Variants in ABCC8 observed in about 807,000 individuals in gnomAD.
ABCC8 encodes the protein ATP binding cassette subfamily C member 8.
Under a neutral mutation model 188.0 loss-of-function variants are expected in ABCC8, and 137 were observed. That is an observed-to-expected ratio of 0.73 (90% confidence interval 0.63 to 0.84). The LOEUF is 0.84. Ranked by LOEUF, ABCC8 falls within the 40% of genes least tolerant of loss-of-function variation. ABCC8 has a pLI of 0.00. For synonymous variants in ABCC8, 797 were observed against 846.5 expected (o/e 0.94, Z 1.01); for missense variants, 1,750 against 2,072.7 (o/e 0.84, Z 3.02).
At chr11:17,457,442 C>T (rs7111475) in intron 6 of ABCC8, among the ~76,000 whole-genome samples, 10,397 of 152,274 alleles carry the variant, frequency 0.068, 484 homozygotes, top group African/African-American at 0.13. Context: ...TTTAGCCCTT[C>T]GATCAAACCC....
At chr11:17,415,158 G>A in intron 18 of ABCC8, 146 bp downstream of exon 18, 1 of 1,114,320 alleles carries the variant, frequency 9.0e-7, no homozygotes, top group Non-Finnish European at 1.3e-6. Flanking sequence ...CGAGCCACCT[G>A]GTGGAGCACA....
chr11:17,460,869 A>G (rs1957165471), intron 5 of ABCC8, 193 bp from the exon 6 acceptor site: 4 of 1,127,024 alleles, frequency 3.5e-6, no homozygotes, highest in Non-Finnish European at 4.9e-6. Context: ...CAACACCAAC[A>G]TGGTCTAGAT....
At chr11:17,409,476 G>A (rs1954705862) in intron 22 of ABCC8, among the ~76,000 whole-genome samples, 1 of 152,320 alleles carries the variant, frequency 6.6e-6, no homozygotes, top group African/African-American at 2.4e-5. Flanking sequence ...CAGAAACTCA[G>A]AAACAAACCT....
At position 17,404,654 on chromosome 11, in the gene ABCC8, G is replaced by T. The variant is rs750668626; in HGVS notation, c.3415C>A (p.Leu1139Met). The change falls in exon 28 of 39, where the codon CTG (leucine) becomes ATG (methionine). Residue 1139 changes from leucine (L) to methionine (M), a missense_variant. Leu to Met is a conservative substitution (Grantham distance 15). Coordinates refer to ENST00000389817, the MANE Select transcript of ABCC8 (RefSeq NM_000352.6). The surrounding 1 kb of genome is among the most constrained non-coding windows in gnomAD (Gnocchi z 4.7). ...AGGGTGGAGCGGCTCAGGCACTCCA[G>T]CGTGGATGGGATGTGCTGAGGGAGA... Reference protein sequence around the residue: ...NTIDQHIPSTLECLSRSTLLC... With the variant: ...NTIDQHIPSTMECLSRSTLLC... 1 of 1,610,370 alleles carries T rather than the reference G, an allele frequency of 6.2e-7. No individual in the cohort carries two copies. Among genetic ancestry groups the T allele is most frequent in the Non-Finnish European group, 8.5e-7 (1 of 1,178,576 alleles).
intron 7 of ABCC8, among the ~76,000 whole-genome samples, chr11:17,450,685 C>CTTTTTTTTTTTTTT (rs71047553): frequency 2.6e-5 from 2 of 76,706 alleles, no homozygotes; most frequent in Non-Finnish European, 4.7e-5. Context: ...GCATGAGCCA[C>CTTTTTTTTTTTTTT]TTTTTTTTTT....
intron 29 of ABCC8, 90 bp from the exon 30 acceptor site, chr11:17,398,531 C>A: frequency 6.4e-7 from 1 of 1,574,742 alleles, no homozygotes; most frequent in Non-Finnish European, 8.6e-7. Flanking sequence ...GGCTCCAGGG[C>A]CCCTCCAGTC....
intron 10 of ABCC8, among the ~76,000 whole-genome samples, chr11:17,437,217 AC>A (rs1424626997): frequency 6.6e-6 from 1 of 151,438 alleles, no homozygotes; most frequent in African/African-American, 2.4e-5. Context: ...AGTTTTTCAT[AC>A]CCTCAACCCT....
Position 17,444,140 on chromosome 11 carries a change from G to T in ABCC8, c.1333-828C>A, listed in dbSNP as rs79296881. The T allele has an allele frequency of 0.031, 4,765 of 152,316 alleles. 107 individuals are homozygous for T. The highest frequency in any genetic ancestry group is 0.077 in the South Asian group (370 of 4,824). 9.4% of individuals were successfully genotyped at this position (152,316 alleles called of 1,614,324 possible). A position where few individuals can be genotyped will look rare whatever the true frequency, so the allele number is the denominator to read the frequency against. On this transcript the variant is annotated intron_variant, in intron 8 of 38. Transcript: ENST00000389817. ...GATAAAGGAGTAAGTGGGAGGCCCT[G>T]TAATTTAATCACAGAATGCCTCCTG...
rs1453930808 is a variant in ABCC8, at chr11:17,404,282, C to CTTAT, written c.3557+229_3557+230insATAA. Among the ~76,000 whole-genome samples, 2 of 152,166 alleles carry CTTAT rather than the reference C, an allele frequency of 1.3e-5. No individual in the cohort carries two copies. Among genetic ancestry groups the CTTAT allele is most frequent in the Non-Finnish European group, 1.5e-5 (1 of 68,032 alleles). On this transcript the variant is annotated intron_variant, in intron 28 of 38. Coordinates refer to ENST00000389817, the MANE Select transcript of ABCC8 (RefSeq NM_000352.6). This position sits in a 1 kb window ranked among gnomAD's most constrained non-coding sequence, Gnocchi z 4.7. ...CTAGCAATTCCAGTCCTGACCATAT[C>CTTAT]GCCCAAGGAAATAATTCAGATGTCA...
rs892322090 is a variant in ABCC8, at chr11:17,404,431, C to T, written c.3557+81G>A. On this transcript the variant is annotated intron_variant, in intron 28 of 38. Transcript: ENST00000389817. The surrounding 1 kb of genome is among the most constrained non-coding windows in gnomAD (Gnocchi z 4.7). ...TTTTGGAGGGAACACGACCCTATTA[C>T]TCTCATAACGATGAGTCTAGCAAGT... 2.8e-6 allele frequency: 4 copies of T among 1,410,080 alleles called. No individual in the cohort carries two copies. The African/African-American group carries it at 5.7e-5, about 20-fold the overall frequency. 87.3% of individuals were successfully genotyped at this position (1,410,080 alleles called of 1,614,324 possible). A position where few individuals can be genotyped will look rare whatever the true frequency, so the allele number is the denominator to read the frequency against.
chr11:17,409,869 T>C (rs1366792370), intron 22 of ABCC8, among the ~76,000 whole-genome samples: 1 of 151,992 alleles, frequency 6.6e-6, no homozygotes, highest in Non-Finnish European at 1.5e-5. Context: ...AATATTGAAG[T>C]TTCTTTCTTT....
rs1848664055 is a variant in ABCC8 at position 17,474,739 on chromosome 11, G to A, written c.290+147C>T. The A allele has an allele frequency of 5.6e-6, 5 of 888,908 alleles. No homozygotes were observed. In the East Asian group the frequency reaches 7.8e-5, roughly 14 times the overall value. The allele number at this position is 888,908 out of a possible 1,614,324, so 55.1% of individuals were successfully genotyped here. ...TTGCGTCCAGTGCCCAGCTCAGAGA[G>A]GTTGGCACATAGAAGACACTGAGCT... On this transcript the variant is annotated intron_variant, in intron 2 of 38. Transcript: ENST00000389817.
chr11:17,430,746 C>A, intron 12 of ABCC8, 68 bp downstream of exon 12: 1 of 1,551,920 alleles, frequency 6.4e-7, no homozygotes, highest in Non-Finnish European at 8.9e-7. Context: ...TTGGCCATCA[C>A]TCGAGCAAGC....
At chr11:17,476,145 C>A (rs1327556524) in intron 1 of ABCC8, among the ~76,000 whole-genome samples, 1 of 152,156 alleles carries the variant, frequency 6.6e-6, no homozygotes, top group Admixed American at 6.5e-5. Context: ...GCGGCTCAGC[C>A]CGGTGAAAGC....
At position 17,443,749 on chromosome 11, in the gene ABCC8, C is replaced by A. The variant is rs540748886; in HGVS notation, c.1333-437G>T. The stretch of plus-strand genomic sequence containing the variant: ...GTTACTGCACCCATGCCAGAAAAAA[C>A]CAGCCTGGGGTCCGAGAATTCGCTT... On this transcript the variant is annotated intron_variant, in intron 8 of 38. Transcript: ENST00000389817. 2.5e-4 allele frequency among the ~76,000 whole-genome samples: 38 copies of A among 152,296 alleles called. No homozygotes were observed. The Middle Eastern group carries it at 0.02, about 82-fold the overall frequency.
intron 13 of ABCC8, 66 bp from the exon 14 acceptor site, chr11:17,428,471 C>T (rs1955696194): frequency 2.5e-6 from 4 of 1,601,898 alleles, no homozygotes; most frequent in Middle Eastern, 3.3e-4. Context: ...AGCCCCTCTT[C>T]CTGGGAAAAA....
At chr11:17,409,437 T>C (rs1188467753) in intron 22 of ABCC8, among the ~76,000 whole-genome samples, 2 of 152,226 alleles carry the variant, frequency 1.3e-5, no homozygotes, top group East Asian at 3.8e-4. Flanking sequence ...AGGATTGTCC[T>C]GAACTACAAG....
intron 37 of ABCC8, 67 bp from the exon 38 acceptor site, chr11:17,393,826 G>A: frequency 1.9e-6 from 3 of 1,613,860 alleles, no homozygotes; most frequent in Non-Finnish European, 2.5e-6. Context: ...TGGCTTGGGG[G>A]ATGTGGAGCC....
At chr11:17,449,190 T>A (rs7937423) in intron 7 of ABCC8, among the ~76,000 whole-genome samples, 3,980 of 152,288 alleles carry the variant, frequency 0.026, 171 homozygotes, top group African/African-American at 0.092. Flanking sequence ...GGCCTCCAAA[T>A]GCTGAGATTA....
Sources: gnomAD v4.1 joint callset for allele counts (sites outside exome capture counted in the v4.1 genomes callset) on GRCh38, gnomAD v4.1.1 for gene constraint, Gnocchi (gnomAD v3.1) non-coding constraint, MANE v1.5 for transcripts, NCBI Gene and HGNC (gene_info 2026-07-23, HGNC 2026-07-21) for gene names.